Variants in ELF2 observed in about 807,000 individuals in gnomAD.
ELF2 encodes the protein E74 like ETS transcription factor 2.
In ELF2, 11 loss-of-function variants were observed where a neutral mutation model predicts 54.8. The observed-to-expected ratio is 0.20, with a 90% CI of 0.13 to 0.33. The LOEUF is 0.33. ELF2 is among the 10% of genes least tolerant of loss of function. ELF2 has a pLI of 1.00. For synonymous variants in ELF2, 203 were observed against 245.1 expected (o/e 0.83, Z 1.61); for missense variants, 513 against 703.0 (o/e 0.73, Z 3.06).
intron 4 of ELF2, among the ~76,000 whole-genome samples, chr4:139,119,425 G>C (rs2148825219): frequency 6.6e-6 from 1 of 152,304 alleles, no homozygotes; most frequent in South Asian, 2.1e-4. Context: ...GCTTCAGACT[G>C]AGTTTGGTCA....
At chr4:139,139,384 T>C in intron 2 of ELF2, 29 bp downstream of exon 2, 1 of 1,116,930 alleles carries the variant, frequency 9.0e-7, no homozygotes, top group Non-Finnish European at 1.1e-6. Flanking sequence ...CCAATATATA[T>C]AATAATAGCA....
chr4:139,069,712 A>T (rs140796279), intron 6 of ELF2, among the ~76,000 whole-genome samples: 31 of 152,320 alleles, frequency 2.0e-4, no homozygotes, highest in African/African-American at 7.5e-4. Flanking sequence ...AAATAAAAAG[A>T]AGTACTGCTA....
chr4:139,166,850 AGT>A (rs2148910450), intron 1 of ELF2, among the ~76,000 whole-genome samples: 1 of 152,338 alleles, frequency 6.6e-6, no homozygotes, highest in South Asian at 2.1e-4. Context: ...CCTGGGCGAG[AGT>A]GTGAGACTCC....
chr4:139,143,939 T>C (rs1738962572), intron 1 of ELF2, among the ~76,000 whole-genome samples: 1 of 151,828 alleles, frequency 6.6e-6, no homozygotes, highest in African/African-American at 2.4e-5. Context: ...CTACAAAAAT[T>C]TAAATTTTAA....
At chr4:139,160,178 G>A (rs937525914) in intron 1 of ELF2, among the ~76,000 whole-genome samples, 2 of 152,080 alleles carry the variant, frequency 1.3e-5, no homozygotes, top group Admixed American at 6.6e-5. Context: ...TCTACTAAAA[G>A]TACAAAAAAT....
chr4:139,096,624 G>T (rs1733319169), intron 4 of ELF2, among the ~76,000 whole-genome samples: 1 of 135,710 alleles, frequency 7.4e-6, no homozygotes, highest in Admixed American at 7.4e-5. Context: ...ACCATACCAA[G>T]CTTTTTTTTT....
intron 7 of ELF2, 43 bp downstream of exon 7, chr4:139,067,640 GA>G: frequency 5.0e-6 from 8 of 1,592,018 alleles, no homozygotes; most frequent in Non-Finnish European, 6.9e-6. Context: ...TCACCTAACT[GA>G]AAAAAAATCA....
intron 4 of ELF2, chr4:139,084,023 G>C: frequency 1.3e-6 from 2 of 1,562,508 alleles, no homozygotes; most frequent in Non-Finnish European, 1.7e-6. Context: ...GTGACTGTGA[G>C]GTGGACACTG....
At chr4:139,151,427 C>A (rs1462758691) in intron 1 of ELF2, among the ~76,000 whole-genome samples, 2 of 152,096 alleles carry the variant, frequency 1.3e-5, no homozygotes, top group Non-Finnish European at 2.9e-5. Flanking sequence ...TTTGCCTCTC[C>A]CACCCCCAAA....
intron 6 of ELF2, among the ~76,000 whole-genome samples, chr4:139,067,985 A>G (rs1434972396): frequency 3.9e-5 from 6 of 152,102 alleles, no homozygotes; most frequent in Admixed American, 3.9e-4. Context: ...ACACATTGGC[A>G]GAGCCTCGAT....
intron 3 of ELF2, among the ~76,000 whole-genome samples, chr4:139,135,760 A>C (rs931436960): frequency 4.6e-5 from 7 of 152,220 alleles, no homozygotes; most frequent in African/African-American, 1.7e-4. Context: ...TTAAGGATAT[A>C]GTCTTCTTCT....
chr4:139,173,980 T>G (rs1288614168), intron 1 of ELF2, among the ~76,000 whole-genome samples: 1 of 150,542 alleles, frequency 6.6e-6, no homozygotes, highest in Non-Finnish European at 1.5e-5. Context: ...TCCCAGCACT[T>G]TGGGAGGCCA....
At chr4:139,171,140 C>T (rs1742269748) in intron 1 of ELF2, among the ~76,000 whole-genome samples, 1 of 152,180 alleles carries the variant, frequency 6.6e-6, no homozygotes, top group African/African-American at 2.4e-5. Flanking sequence ...GTAATCCCAG[C>T]ACTTTGGCAG....
chr4:139,151,032 AAAAGAAAGAAAGAAAGAAAGAAAG>A (rs71600182), intron 1 of ELF2, among the ~76,000 whole-genome samples: 14,965 of 102,490 alleles, frequency 0.15, 1,600 homozygotes, highest in Middle Eastern at 0.24. Flanking sequence ...TCAAAAAAAA[AAAAGAAAGAAAGAAAGAAAGAAAG>A]AAAGAAAGAA....
chr4:139,146,670 A>C (rs979847680), intron 1 of ELF2, among the ~76,000 whole-genome samples: 2 of 152,226 alleles, frequency 1.3e-5, no homozygotes. Flanking sequence ...TGGTATAAAA[A>C]TAGACACATT....
intron 1 of ELF2, among the ~76,000 whole-genome samples, chr4:139,148,033 G>C (rs1282965512): frequency 6.6e-6 from 1 of 151,016 alleles, no homozygotes; most frequent in Non-Finnish European, 1.5e-5. Context: ...TGATCCGCCT[G>C]CCTCAGCCTC....
intron 4 of ELF2, among the ~76,000 whole-genome samples, chr4:139,114,561 T>TCACACACA (rs776035411): frequency 0.037 from 3,993 of 108,602 alleles, 101 homozygotes; most frequent in Non-Finnish European, 0.047. Flanking sequence ...GACTTCAGTC[T>TCACACACA]CACACACACA....
At chr4:139,112,876 C>A (rs528591747) in intron 4 of ELF2, among the ~76,000 whole-genome samples, 8 of 151,410 alleles carry the variant, frequency 5.3e-5, no homozygotes, top group South Asian at 2.1e-4. Flanking sequence ...GCCTGAGTGA[C>A]GGAACAAGAC....
intron 1 of ELF2, among the ~76,000 whole-genome samples, chr4:139,148,100 T>A (rs1428023604): frequency 1.4e-5 from 2 of 142,908 alleles, no homozygotes. Context: ...CCCTGTACCT[T>A]AAAAAAAAAA....
Sources: allele counts gnomAD v4.1 joint callset (sites outside exome capture counted in the v4.1 genomes callset), GRCh38; gene constraint gnomAD v4.1.1; transcripts MANE v1.5; gene names NCBI Gene and HGNC (gene_info 2026-07-23, HGNC 2026-07-21).